The following GPC6 variants were observed in gnomAD, a reference collection of about 807,000 sequenced individuals.
The protein encoded by GPC6 is glypican 6, also known as glypican-6.
In GPC6, 14 loss-of-function variants were observed where a neutral mutation model predicts 55.2. That is an observed-to-expected ratio of 0.25 (90% CI 0.17 to 0.40). The LOEUF (loss-of-function observed/expected upper bound fraction) is 0.40, where lower values mean the gene tolerates loss of function less well. Ranked by LOEUF, GPC6 falls within the 10% of genes least tolerant of loss-of-function variation. The pLI is 1.00. For synonymous variants in GPC6, 278 were observed against 259.6 expected (o/e 1.07, Z -0.68); for missense variants, 641 against 708.5 (o/e 0.90, Z 1.08).
chr13:94,352,409 T>A (rs1456905393), intron 6 of GPC6, among the ~76,000 whole-genome samples: 1 of 151,344 alleles, frequency 6.6e-6, no homozygotes, highest in Non-Finnish European at 1.5e-5. Flanking sequence ...ATGAATTACA[T>A]CCCTGGGCCC....
intron 4 of GPC6, among the ~76,000 whole-genome samples, chr13:94,206,659 G>C (rs1889910259): frequency 6.6e-6 from 1 of 152,020 alleles, no homozygotes; most frequent in East Asian, 1.9e-4. Flanking sequence ...TTTGAGACCA[G>C]CCTGGGCAAC....
At chr13:94,354,162 A>G (rs908122731) in intron 6 of GPC6, among the ~76,000 whole-genome samples, 5 of 152,118 alleles carry the variant, frequency 3.3e-5, no homozygotes, top group African/African-American at 9.7e-5. Flanking sequence ...CTTTTCCCAC[A>G]TGCTCATCTA....
chr13:93,232,197 G>A (rs1436507626), intron 1 of GPC6, among the ~76,000 whole-genome samples: 4 of 151,636 alleles, frequency 2.6e-5, no homozygotes, highest in South Asian at 2.1e-4. Flanking sequence ...AGTAAATATC[G>A]TAGTTTGAGA....
chr13:93,782,975 G>T (rs902030177), intron 2 of GPC6, among the ~76,000 whole-genome samples: 2 of 152,004 alleles, frequency 1.3e-5, no homozygotes, highest in African/African-American at 4.8e-5. Flanking sequence ...CATTAGCTAT[G>T]CTGCCCTTCC....
At chr13:94,351,061 A>G (rs1048341117) in intron 6 of GPC6, among the ~76,000 whole-genome samples, 1 of 152,180 alleles carries the variant, frequency 6.6e-6, no homozygotes, top group Admixed American at 6.5e-5. Flanking sequence ...ATGAGTGGGT[A>G]AGAAAATACC....
At chr13:93,724,820 TTGA>T (rs1474489867) in intron 2 of GPC6, among the ~76,000 whole-genome samples, 5 of 152,162 alleles carry the variant, frequency 3.3e-5, no homozygotes, top group African/African-American at 7.2e-5. Context: ...ACAATTTATC[TTGA>T]TTTCATAGCA....
intron 1 of GPC6, among the ~76,000 whole-genome samples, chr13:93,240,709 T>G (rs1273002557): frequency 6.6e-6 from 1 of 152,178 alleles, no homozygotes; most frequent in Non-Finnish European, 1.5e-5. Context: ...TTTTGTATTC[T>G]CCATCATGTT....
At chr13:93,539,211 T>C (rs148292755) in intron 1 of GPC6, among the ~76,000 whole-genome samples, 267 of 152,314 alleles carry the variant, frequency 1.8e-3, no homozygotes, top group African/African-American at 6.2e-3. Flanking sequence ...GATGGACCAT[T>C]TGCTTTTGAT....
At chr13:93,806,950 T>C (rs1342291994) in intron 2 of GPC6, among the ~76,000 whole-genome samples, 4 of 152,106 alleles carry the variant, frequency 2.6e-5, no homozygotes, top group Non-Finnish European at 5.9e-5. Flanking sequence ...CAATGTGAAA[T>C]ATATTAAGGC....
chr13:93,260,060 G>A (rs1322843751), intron 1 of GPC6, among the ~76,000 whole-genome samples: 1 of 152,018 alleles, frequency 6.6e-6, no homozygotes, highest in Non-Finnish European at 1.5e-5. Flanking sequence ...GTTAAATGAG[G>A]AACAAGAAAG....
rs565673254 is a variant in GPC6 at position 94,000,466 on chromosome 13, C to T, written c.712-27263C>T. Among the ~76,000 whole-genome samples the T allele has an allele frequency of 2.0e-5, 3 of 152,226 alleles. 1 individual carries two copies. Among genetic ancestry groups the T allele is most frequent in the African/African-American group, 7.2e-5 (3 of 41,538 alleles). On this transcript the variant is annotated intron_variant, in intron 3 of 8. Transcript: ENST00000377047. ...TACAAAACTATGGCAATGCTTAGAA[C>T]TCATAGCAGGAATTTTTGAAATATA...
chr13:93,746,703 A>G (rs1014355724), intron 2 of GPC6, among the ~76,000 whole-genome samples: 8 of 152,194 alleles, frequency 5.3e-5, no homozygotes, highest in African/African-American at 1.9e-4. Context: ...TAGCAGCAAT[A>G]TGCATCTTGA....
chr13:93,856,097 A>G (rs1362689407), intron 3 of GPC6, among the ~76,000 whole-genome samples: 1 of 151,452 alleles, frequency 6.6e-6, no homozygotes, highest in African/African-American at 2.4e-5. Context: ...TCAGATGCAT[A>G]TGAATTGGTG....
chr13:93,265,367 C>A (rs1452740653), intron 1 of GPC6, among the ~76,000 whole-genome samples: 1 of 152,172 alleles, frequency 6.6e-6, no homozygotes, highest in Non-Finnish European at 1.5e-5. Context: ...TGCTCCAAAA[C>A]TGGAAACAGT....
At chr13:93,871,188 T>C (rs972821434) in intron 3 of GPC6, among the ~76,000 whole-genome samples, 2 of 151,968 alleles carry the variant, frequency 1.3e-5, no homozygotes, top group African/African-American at 4.8e-5. Context: ...TTCTGAATTC[T>C]GACTTTGTCA....
chr13:93,559,149 A>T (rs77362843), intron 2 of GPC6, among the ~76,000 whole-genome samples: 3 of 152,170 alleles, frequency 2.0e-5, no homozygotes, highest in African/African-American at 7.2e-5. Flanking sequence ...TAGGTGCTTC[A>T]TCTGATTATG....
At chr13:93,857,761 T>G (rs190563791) in intron 3 of GPC6, among the ~76,000 whole-genome samples, 47 of 151,672 alleles carry the variant, frequency 3.1e-4, no homozygotes, top group Middle Eastern at 3.4e-3. Context: ...ATGGGAGAAC[T>G]GGCCTTTAAG....
At chr13:93,278,250 A>T (rs957939266) in intron 1 of GPC6, among the ~76,000 whole-genome samples, 11 of 151,564 alleles carry the variant, frequency 7.3e-5, no homozygotes, top group African/African-American at 1.2e-4. Flanking sequence ...ATTTTTTTTT[A>T]AAAAGTTTGT....
chr13:93,415,145 G>T (rs781420736), intron 1 of GPC6, among the ~76,000 whole-genome samples: 4 of 152,038 alleles, frequency 2.6e-5, no homozygotes, highest in Non-Finnish European at 5.9e-5. Flanking sequence ...TTGGCAAAAC[G>T]TGCTCTATTT....
Sources: allele counts gnomAD v4.1 joint callset (sites outside exome capture counted in the v4.1 genomes callset), GRCh38; gene constraint gnomAD v4.1.1; transcripts MANE v1.5; gene names NCBI Gene and HGNC (gene_info 2026-07-23, HGNC 2026-07-21).